DIPK1A: variants seen among roughly 807,000 people sequenced by gnomAD.
The protein encoded by DIPK1A is family with sequence similarity 69 member A.
Under a neutral mutation model 40.8 loss-of-function variants are expected in DIPK1A, and 27 were observed. That is an observed-to-expected ratio of 0.66 (90% CI 0.49 to 0.91). The LOEUF (loss-of-function observed/expected upper bound fraction) is 0.91, where lower values mean the gene tolerates loss of function less well. Among genes scored for constraint, DIPK1A ranks in the 40% least tolerant of loss-of-function variants. The probability of loss-of-function intolerance (pLI) is 0.00; values close to 1 mark genes in which losing one functional copy is unlikely to be tolerated. For missense variants in DIPK1A, 412 were observed against 505.7 expected (o/e 0.81, Z 1.78); for synonymous variants, 166 against 171.3 (o/e 0.97, Z 0.24).
intron 1 of DIPK1A, among the ~76,000 whole-genome samples, chr1:92,924,565 C>T (rs1650413043): frequency 9.2e-6 from 1 of 108,178 alleles, no homozygotes; most frequent in Non-Finnish European, 2.1e-5. Flanking sequence ...GGACAAGGGC[C>T]CTGAGCTCTA....
At chr1:92,855,887 C>A (rs1249252344) in intron 2 of DIPK1A, among the ~76,000 whole-genome samples, 1 of 152,008 alleles carries the variant, frequency 6.6e-6, no homozygotes, top group Non-Finnish European at 1.5e-5. Context: ...CCAGACCAGA[C>A]TGGACAACAT....
chr1:92,892,324 G>A lies in DIPK1A; in HGVS notation c.55-15894C>T, dbSNP rs1364746619. On this transcript the variant is annotated intron_variant, in intron 1 of 4. Coordinates refer to ENST00000370310, the MANE Select transcript of DIPK1A (RefSeq NM_001006605.5). The stretch of plus-strand genomic sequence containing the variant: ...TCTGAGACAAAACTTCCAGAGGAAC[G>A]ATCAGGCAGCAACATTTGCTGTTCA... Among the ~76,000 whole-genome samples, 4 of 152,072 alleles carry A rather than the reference G, an allele frequency of 2.6e-5. 1 individual carries two copies. Among genetic ancestry groups the A allele is most frequent in the African/African-American group, 4.8e-5 (2 of 41,364 alleles).
At chr1:92,835,098 C>T (rs1687065648) in intron 4 of DIPK1A, 1 of 793,514 alleles carries the variant, frequency 1.3e-6, no homozygotes, top group Non-Finnish European at 2.0e-6. Context: ...TCTGCAATGA[C>T]ACAAATCTGT....
At chr1:92,915,789 A>C (rs1454414562) in intron 1 of DIPK1A, among the ~76,000 whole-genome samples, 3 of 152,230 alleles carry the variant, frequency 2.0e-5, no homozygotes, top group Admixed American at 6.5e-5. Flanking sequence ...AAAAGAACTA[A>C]AAATATATGT....
chr1:92,843,701 T>G lies in DIPK1A; in HGVS notation c.969A>C (p.Lys323Asn), dbSNP rs1687472326. The G allele has an allele frequency of 2.6e-6, 4 of 1,551,664 alleles. No individual in the cohort carries two copies. The highest frequency in any genetic ancestry group is 2.0e-5 in the Admixed American group (1 of 50,982). Residue 323 changes from lysine to asparagine, a missense_variant, in exon 5 of 5, where the codon AAA (lysine) becomes AAC (asparagine). By Grantham distance (94) the Lys-to-Asn change is moderately conservative. Transcript: ENST00000370310. ...CACAGTGACGATCCTTAATAAGTTC[T>G]TTCAGGTTTGTCTCTGGCACAATTT... ...MRKIVPETNL[K>N]ELIKDRHCES... is the part of the protein sequence containing the mutation.
At chr1:92,870,093 C>T (rs923050085) in intron 2 of DIPK1A, among the ~76,000 whole-genome samples, 6 of 151,970 alleles carry the variant, frequency 3.9e-5, no homozygotes, top group Admixed American at 1.3e-4. Context: ...CACACACACA[C>T]ACACACACAC....
At chr1:92,844,329 TA>T (rs1687502896) in intron 4 of DIPK1A, 134 bp from the exon 5 acceptor site, 4 of 628,240 alleles carry the variant, frequency 6.4e-6, no homozygotes, top group Admixed American at 2.9e-5. Flanking sequence ...GAACTTAATG[TA>T]TTATATCTCC....
At chr1:92,957,758 CAATT>C (rs1651909447) in intron 1 of DIPK1A, among the ~76,000 whole-genome samples, 1 of 152,240 alleles carries the variant, frequency 6.6e-6, no homozygotes, top group Admixed American at 6.5e-5. Context: ...ACATATCCTA[CAATT>C]TATTCATTTA....
downstream of DIPK1A, chr1:92,842,055 G>GTTA (rs1687387545): frequency 3.8e-6 from 3 of 788,248 alleles, no homozygotes; most frequent in Non-Finnish European, 5.5e-6. Flanking sequence ...AAAAAAAGTT[G>GTTA]TTATTTCTTG....
chr1:92,944,335 G>T (rs2100897529), intron 1 of DIPK1A, among the ~76,000 whole-genome samples: 1 of 152,266 alleles, frequency 6.6e-6, no homozygotes, highest in Non-Finnish European at 1.5e-5. Context: ...AGCTGAGAAA[G>T]GATCCAAGTC....
intron 2 of DIPK1A, among the ~76,000 whole-genome samples, chr1:92,864,234 C>G (rs1571069256): frequency 6.6e-6 from 1 of 152,318 alleles, no homozygotes; most frequent in Middle Eastern, 3.4e-3. Flanking sequence ...CTATATATCA[C>G]TATCTAATTG....
rs2100707478 is a variant in DIPK1A, at chr1:92,844,190, T to C, written c.480A>G (p.Lys160=). Reference sequence around the variant, plus strand: ...CAGAGAGGTTTCCTTGGTCACCCAATTTTGCCTGTCAAGAATTTGGCTAGT... The same window carrying C: ...CAGAGAGGTTTCCTTGGTCACCCAACTTTGCCTGTCAAGAATTTGGCTAGT... ...KEMVYSLFKA[K]LGDQGNLSEL... is the part of the protein sequence containing the mutation. Residue 160 remains lysine, a synonymous_variant, in exon 5 of 5, where the codon AAA becomes AAG. Coordinates refer to ENST00000370310, the MANE Select transcript of DIPK1A (RefSeq NM_001006605.5). 6.5e-7 allele frequency: 1 copy of C among 1,542,308 alleles called. No individual in the cohort carries two copies. Among genetic ancestry groups the C allele is most frequent in the Non-Finnish European group, 8.8e-7 (1 of 1,140,792 alleles).
intron 2 of DIPK1A, among the ~76,000 whole-genome samples, chr1:92,865,742 C>T (rs1647503273): frequency 6.6e-6 from 1 of 152,186 alleles, no homozygotes; most frequent in African/African-American, 2.4e-5. Context: ...AGTTCTGGTT[C>T]CTACCTTATA....
chr1:92,857,640 A>G (rs1308503304), intron 2 of DIPK1A, among the ~76,000 whole-genome samples: 2 of 152,086 alleles, frequency 1.3e-5, no homozygotes, highest in Non-Finnish European at 1.5e-5. Flanking sequence ...TGTTTTTTAT[A>G]TGCCAATACT....
chr1:92,865,674 A>G (rs575398890), intron 2 of DIPK1A, among the ~76,000 whole-genome samples: 46 of 152,344 alleles, frequency 3.0e-4, no homozygotes, highest in African/African-American at 1.0e-3. Context: ...ACTAAAACTG[A>G]AAACAGTAAA....
chr1:92,837,351 C>G, downstream of DIPK1A: 1 of 968,118 alleles, frequency 1.0e-6, no homozygotes, highest in Non-Finnish European at 1.7e-6. Flanking sequence ...GCATATGATG[C>G]GATAATTGTT....
chr1:92,879,738 A>T (rs778357182), intron 1 of DIPK1A, among the ~76,000 whole-genome samples: 6 of 152,222 alleles, frequency 3.9e-5, no homozygotes, highest in Non-Finnish European at 7.3e-5. Flanking sequence ...TTACATCTGT[A>T]GCTATTAACC....
At chr1:92,954,938 G>C (rs1651790218) in intron 1 of DIPK1A, among the ~76,000 whole-genome samples, 1 of 152,204 alleles carries the variant, frequency 6.6e-6, no homozygotes, top group Admixed American at 6.5e-5. Context: ...AAGCAACTAA[G>C]ATGCCCTTCA....
At chr1:92,859,174 A>C (rs545090677) in intron 2 of DIPK1A, among the ~76,000 whole-genome samples, 1 of 152,288 alleles carries the variant, frequency 6.6e-6, no homozygotes, top group Admixed American at 6.5e-5. Context: ...TAATTTTCTA[A>C]GATGTGTGTT....
Sources: allele counts gnomAD v4.1 joint callset (sites outside exome capture counted in the v4.1 genomes callset), GRCh38; gene constraint gnomAD v4.1.1; transcripts MANE v1.5; gene names NCBI Gene and HGNC (gene_info 2026-07-23, HGNC 2026-07-21).